Variants in HTRA3 observed in about 807,000 individuals in gnomAD.
HTRA3 encodes the protein HtrA serine peptidase 3, also known as serine protease HTRA3.
Under a neutral mutation model 43.2 loss-of-function variants are expected in HTRA3, and 41 were observed. The ratio of observed to expected loss-of-function variants is 0.95; its 90% CI spans 0.74 to 1.23. The LOEUF (loss-of-function observed/expected upper bound fraction) is 1.23. Ranked by LOEUF, HTRA3 falls within the 50% of genes most tolerant of loss-of-function variation. HTRA3 has a pLI of 0.00. For missense variants in HTRA3, 628 were observed against 647.1 expected (o/e 0.97, Z 0.32); for synonymous variants, 295 against 287.9 (o/e 1.02, Z -0.25).
At chr4:8,283,927 G>T (rs1712857337) in intron 2 of HTRA3, among the ~76,000 whole-genome samples, 1 of 152,184 alleles carries the variant, frequency 6.6e-6, no homozygotes, top group African/African-American at 2.4e-5. Context: ...GCGCTTGTCT[G>T]GTCCAAGCCC....
rs746840768 is a variant in HTRA3, at chr4:8,286,566, CG to C, written c.492del (p.Leu165CysfsTer21). 4 of 1,613,576 alleles carry C rather than the reference CG, an allele frequency of 2.5e-6. No individual in the cohort carries two copies. Among genetic ancestry groups the C allele is most frequent in the Middle Eastern group, 3.4e-4 (2 of 5,798 alleles). ...VVHIELFLRH[P>X]LFGRNVPLSS... ...CTGTGTCTCCCTGGCTGCAGACACCCGCTGTTTGGCCGCAACGTGCCCCTGT... is the reference window on the plus strand; with the variant it reads ...CTGTGTCTCCCTGGCTGCAGACACCCCTGTTTGGCCGCAACGTGCCCCTGT... On this transcript the variant is annotated frameshift_variant, in exon 3 of 9. Transcript: ENST00000307358. LOFTEE classifies it high-confidence loss of function. The surrounding 1 kb of genome is among the most constrained non-coding windows in gnomAD (Gnocchi z 4.9).
At chr4:8,291,053 C>T (rs1713216087) in intron 3 of HTRA3, among the ~76,000 whole-genome samples, 1 of 152,210 alleles carries the variant, frequency 6.6e-6, no homozygotes, top group South Asian at 2.1e-4. Context: ...GGCCATGTGA[C>T]CATCAGATCA....
At position 8,294,127 on chromosome 4, in the gene HTRA3, C is replaced by T. The variant is rs1205233082; in HGVS notation, c.977C>T (p.Ala326Val). 6.2e-7 allele frequency: 1 copy of T among 1,612,618 alleles called. No homozygotes were observed. The highest frequency in any genetic ancestry group is 1.7e-5 in the Admixed American group (1 of 59,904). ...VIGINTLKVT[A>V]GISFAIPSDR... ...GGCATCAACACGCTCAAGGTCACGGCTGGCATCTCCTTTGCCATCCCCTCA... is the reference window on the plus strand; with the variant it reads ...GGCATCAACACGCTCAAGGTCACGGTTGGCATCTCCTTTGCCATCCCCTCA... The change falls in exon 6 of 9, where the codon GCT (alanine) becomes GTT (valine). Residue 326 changes from alanine to valine, a missense_variant. Ala to Val is a moderately conservative substitution (Grantham distance 64). Transcript: ENST00000307358.
intron 1 of HTRA3, among the ~76,000 whole-genome samples, chr4:8,277,423 C>G (rs770363144): frequency 1.3e-5 from 2 of 152,044 alleles, no homozygotes; most frequent in Non-Finnish European, 2.9e-5. Context: ...CCAGCCCAGA[C>G]GCAGGGGTGC....
chr4:8,277,019 GT>G (rs1712555502), intron 1 of HTRA3, among the ~76,000 whole-genome samples: 2 of 152,260 alleles, frequency 1.3e-5, no homozygotes, highest in South Asian at 4.1e-4. Flanking sequence ...CCTGCGAGGT[GT>G]GGCCCGTGGA....
chr4:8,278,778 A>G (rs530460693), intron 1 of HTRA3, among the ~76,000 whole-genome samples: 1 of 152,296 alleles, frequency 6.6e-6, no homozygotes, highest in South Asian at 2.1e-4. Context: ...GCCCTCCCTC[A>G]GTGATTGATC....
chr4:8,287,649 A>G (rs558523034), intron 3 of HTRA3, among the ~76,000 whole-genome samples: 2 of 152,066 alleles, frequency 1.3e-5, no homozygotes, highest in East Asian at 1.9e-4. Context: ...GTCTGCCCCC[A>G]TGATCCCATC....
At chr4:8,302,200 A>C (rs1713678156) in intron 6 of HTRA3, among the ~76,000 whole-genome samples, 1 of 152,168 alleles carries the variant, frequency 6.6e-6, no homozygotes, top group Admixed American at 6.5e-5. Flanking sequence ...GTCGGAGCTC[A>C]CATGGTTGGA....
chr4:8,269,957 G>A lies in HTRA3; in HGVS notation c.-12G>A. 6 of 1,125,376 alleles carry A rather than the reference G, an allele frequency of 5.3e-6. No homozygotes were observed. Among genetic ancestry groups the A allele is most frequent in the Admixed American group, 5.0e-5 (1 of 20,186 alleles). 69.7% of individuals were successfully genotyped at this position (1,125,376 alleles called of 1,614,324 possible). ...GTCTCCCGCGCTGCCACCCGCCGCC[G>A]GCCCTGCCGCCATGCAGGCGCGAGC... is the stretch of plus-strand genomic sequence containing the variant. On this transcript the variant is annotated 5_prime_UTR_variant, in exon 1 of 9. Transcript: ENST00000307358.
At chr4:8,304,584 T>A (rs1713767289) in intron 8 of HTRA3, among the ~76,000 whole-genome samples, 1 of 150,108 alleles carries the variant, frequency 6.7e-6, no homozygotes, top group African/African-American at 2.5e-5. Flanking sequence ...CCAGCCTGGG[T>A]CCTGGGTCTT....
intron 1 of HTRA3, among the ~76,000 whole-genome samples, chr4:8,273,154 C>A (rs1329327497): frequency 6.6e-6 from 1 of 152,242 alleles, no homozygotes; most frequent in Non-Finnish European, 1.5e-5. Flanking sequence ...CTGGGTCTGG[C>A]TGGCTTTGCA....
At position 8,307,044 on chromosome 4, in the gene HTRA3, T is replaced by A. The variant is rs1345834662; in HGVS notation, c.*908T>A. The stretch of plus-strand genomic sequence containing the variant: ...AGCTTTGCTGTAAATGGATTCCCAG[T>A]GTTGCTTGTACTGTATGTTTCTCTA... On this transcript the variant is annotated 3_prime_UTR_variant, in exon 9 of 9. Transcript: ENST00000307358. This position sits in a 1 kb window ranked among gnomAD's most constrained non-coding sequence, Gnocchi z 6.1. 1.3e-5 allele frequency: 2 copies of A among 152,716 alleles called. No homozygotes were observed. The highest frequency in any genetic ancestry group is 2.9e-5 in the Non-Finnish European group (2 of 68,076). The allele number at this position is 152,716 out of a possible 1,614,324, so 9.5% of individuals were successfully genotyped here. A position where few individuals can be genotyped will look rare whatever the true frequency, so the allele number is the denominator to read the frequency against.
chr4:8,306,081 T>A lies in HTRA3; in HGVS notation c.1307T>A (p.Val436Glu). 8 of 1,608,390 alleles carry A rather than the reference T, an allele frequency of 5.0e-6. No individual in the cohort carries two copies. The South Asian group carries it at 8.8e-5, about 18-fold the overall frequency. The part of the protein sequence containing the change: ...VLTESPLLLE[V>E]RRGNDDLLFS... ...ACCGAGTCTCCTCTCCTACTGGAGG[T>A]GCGGCGGGGGAACGACGACCTCCTC... Residue 436 changes from valine (V) to glutamate (E), a missense_variant, in exon 9 of 9, where the codon GTG (valine) becomes GAG (glutamate). Physicochemically the swap from Val to Glu is moderately radical, Grantham distance 121. Transcript: ENST00000307358. The surrounding 1 kb of genome is among the most constrained non-coding windows in gnomAD (Gnocchi z 8.9).
chr4:8,292,142 C>T (rs1713271819), intron 4 of HTRA3, among the ~76,000 whole-genome samples, 179 bp from the exon 5 acceptor site: 1 of 152,258 alleles, frequency 6.6e-6, no homozygotes, highest in Non-Finnish European at 1.5e-5. Context: ...GGTCATCAGG[C>T]AGCCATCCAC....
At chr4:8,304,758 C>T (rs1242044603) in intron 8 of HTRA3, among the ~76,000 whole-genome samples, 4 of 146,604 alleles carry the variant, frequency 2.7e-5, no homozygotes, top group Admixed American at 7.0e-5. Flanking sequence ...TGGGCTCAAG[C>T]GACTCTCCTG....
intron 7 of HTRA3, among the ~76,000 whole-genome samples, chr4:8,302,883 C>A (rs1209047735): frequency 6.6e-6 from 1 of 152,204 alleles, no homozygotes; most frequent in African/African-American, 2.4e-5. Flanking sequence ...CTTCCTTGCC[C>A]CTTCCAGCTT....
chr4:8,297,982 T>A lies in HTRA3; in HGVS notation c.1051+3781T>A, dbSNP rs1476539518. ...CCCTCTGGACTTCCCACATGCCTCA[T>A]CCACTGTCAGCGAGTCCATTGGCCC... On this transcript the variant is annotated intron_variant, in intron 6 of 8. Coordinates refer to ENST00000307358, the MANE Select transcript of HTRA3 (RefSeq NM_053044.5). This position sits in a 1 kb window ranked among gnomAD's most constrained non-coding sequence, Gnocchi z 5.8. Among the ~76,000 whole-genome samples the A allele has an allele frequency of 2.0e-5, 3 of 152,138 alleles. No homozygotes were observed. In the East Asian group the frequency reaches 5.8e-4, roughly 29 times the overall value.
intron 1 of HTRA3, among the ~76,000 whole-genome samples, chr4:8,274,430 C>T (rs978742485): frequency 6.6e-6 from 1 of 152,248 alleles, no homozygotes; most frequent in South Asian, 2.1e-4. Flanking sequence ...AATTTCTCTG[C>T]GTGATCCCCA....
chr4:8,275,387 C>A (rs555397989), intron 1 of HTRA3, among the ~76,000 whole-genome samples: 14 of 152,350 alleles, frequency 9.2e-5, no homozygotes, highest in African/African-American at 3.4e-4. Context: ...GCATAGCCTC[C>A]TGGCAGGCTC....
Sources: gnomAD v4.1 joint callset for allele counts (sites outside exome capture counted in the v4.1 genomes callset) on GRCh38, gnomAD v4.1.1 for gene constraint, Gnocchi (gnomAD v3.1) non-coding constraint, MANE v1.5 for transcripts, NCBI Gene and HGNC (gene_info 2026-07-23, HGNC 2026-07-21) for gene names.